EML1: variants seen among roughly 807,000 people sequenced by gnomAD.
EML1 encodes echinoderm microtubule-associated protein-like 1.
In EML1, 27 loss-of-function variants were observed where a neutral mutation model predicts 110.4. That is an observed-to-expected ratio of 0.24 (90% CI 0.18 to 0.34). The LOEUF (loss-of-function observed/expected upper bound fraction) is 0.34. Ranked by LOEUF, EML1 falls within the 10% of genes least tolerant of loss-of-function variation. EML1 has a pLI of 1.00. For synonymous variants in EML1, 344 were observed against 385.8 expected (o/e 0.89, Z 1.27); for missense variants, 741 against 1,030.9 (o/e 0.72, Z 3.85).
chr14:99,768,455 G>A (rs1350671871), upstream of EML1, among the ~76,000 whole-genome samples: 7 of 152,096 alleles, frequency 4.6e-5, no homozygotes, highest in African/African-American at 7.2e-5. Flanking sequence ...AAAGGAACTC[G>A]GGCACAGGCG....
At chr14:99,822,807 C>T (rs2058286337) in intron 1 of EML1, among the ~76,000 whole-genome samples, 1 of 152,180 alleles carries the variant, frequency 6.6e-6, no homozygotes, top group Middle Eastern at 3.2e-3. Context: ...GGGGCTTTGC[C>T]AGCCAAAGCC....
intron 1 of EML1, among the ~76,000 whole-genome samples, chr14:99,838,047 C>T (rs527950117): frequency 6.6e-5 from 10 of 152,154 alleles, no homozygotes; most frequent in African/African-American, 2.2e-4. Context: ...CCACTCCCCC[C>T]ACCTCAACCT....
At chr14:99,836,141 T>G (rs7152873) in intron 1 of EML1, among the ~76,000 whole-genome samples, 49,986 of 152,132 alleles carry the variant, frequency 0.33, 8,954 homozygotes, top group African/African-American at 0.46. Flanking sequence ...ATCATAACAG[T>G]AATGAGTTTT....
chr14:99,745,118 G>A (rs547993463), intron 1 of EML1, among the ~76,000 whole-genome samples: 84 of 152,048 alleles, frequency 5.5e-4, no homozygotes, highest in Non-Finnish European at 8.7e-4. Context: ...CCAGGCTTGA[G>A]TGCAGTGGCA....
chr14:99,756,187 C>T (rs1445727245), intron 1 of EML1, among the ~76,000 whole-genome samples: 2 of 152,190 alleles, frequency 1.3e-5, no homozygotes. Context: ...AGAAGGACCC[C>T]AGGAGGCGAC....
At chr14:99,931,185 G>A (rs1160771183) in intron 17 of EML1, among the ~76,000 whole-genome samples, 1 of 152,156 alleles carries the variant, frequency 6.6e-6, no homozygotes, top group East Asian at 1.9e-4. Flanking sequence ...AGTGTGCCAG[G>A]AGAGAGGCTA....
At chr14:99,854,579 TTCCTCAG>T (rs2058869868) in intron 2 of EML1, among the ~76,000 whole-genome samples, 1 of 152,206 alleles carries the variant, frequency 6.6e-6, no homozygotes. Context: ...GTCTTAGGAT[TTCCTCAG>T]TCTCTGTGAG....
At chr14:99,901,124 A>G in intron 9 of EML1, 85 bp downstream of exon 9, 1 of 1,110,160 alleles carries the variant, frequency 9.0e-7, no homozygotes, top group Non-Finnish European at 1.4e-6. Flanking sequence ...GAGTTGACAC[A>G]CTCGATACCT....
intron 1 of EML1, among the ~76,000 whole-genome samples, chr14:99,762,031 A>G (rs970616621): frequency 3.3e-5 from 5 of 152,086 alleles, no homozygotes; most frequent in African/African-American, 1.2e-4. Flanking sequence ...TTGGAAACCA[A>G]TGACAATTAG....
intron 1 of EML1, among the ~76,000 whole-genome samples, chr14:99,787,128 C>T (rs940306020): frequency 2.5e-4 from 38 of 152,050 alleles, no homozygotes; most frequent in Non-Finnish European, 1.2e-4. Context: ...GTTGAATGTT[C>T]CCTTATGGTT....
At chr14:99,866,160 G>A (rs2139886472) in intron 3 of EML1, among the ~76,000 whole-genome samples, 1 of 152,254 alleles carries the variant, frequency 6.6e-6, no homozygotes, top group South Asian at 2.1e-4. Context: ...TTATATTTTA[G>A]GGCCAGGTGC....
At chr14:99,767,787 G>A (rs987149255) in intron 1 of EML1, among the ~76,000 whole-genome samples, 1 of 152,052 alleles carries the variant, frequency 6.6e-6, no homozygotes, top group African/African-American at 2.4e-5. Context: ...CATTACTGTT[G>A]GCTGCTTTCC....
At chr14:99,820,587 C>T (rs142232653) in intron 1 of EML1, among the ~76,000 whole-genome samples, 56 of 152,320 alleles carry the variant, frequency 3.7e-4, no homozygotes, top group African/African-American at 1.2e-3. Flanking sequence ...ACCAAAGATA[C>T]AGAGTAATTA....
intron 1 of EML1, among the ~76,000 whole-genome samples, chr14:99,824,763 C>A (rs2058324235): frequency 6.6e-6 from 1 of 151,166 alleles, no homozygotes; most frequent in African/African-American, 2.4e-5. Flanking sequence ...GATTTTCAAT[C>A]CTCCCCCCTC....
chr14:99,911,369 G>A, intron 12 of EML1, 53 bp from the exon 13 acceptor site: 5 of 1,534,308 alleles, frequency 3.3e-6, no homozygotes, highest in Non-Finnish European at 4.4e-6. Context: ...TAGAAAATGG[G>A]CAGAGGCAAC....
intron 1 of EML1, among the ~76,000 whole-genome samples, chr14:99,763,676 A>G (rs759284799): frequency 1.3e-5 from 2 of 152,146 alleles, no homozygotes; most frequent in Non-Finnish European, 2.9e-5. Context: ...CATCACTGCA[A>G]TGACCTCTCT....
upstream of EML1, among the ~76,000 whole-genome samples, chr14:99,771,073 C>T (rs1035822382): frequency 2.1e-4 from 32 of 152,082 alleles, no homozygotes; most frequent in Non-Finnish European, 4.0e-4. Context: ...CGTGAGCCAC[C>T]GCGCCCGGCC....
At chr14:99,868,938 A>T (rs2139897370) in intron 3 of EML1, among the ~76,000 whole-genome samples, 1 of 152,234 alleles carries the variant, frequency 6.6e-6, no homozygotes, top group East Asian at 1.9e-4. Flanking sequence ...GAAAACTTTG[A>T]TCACTATAGA....
intron 1 of EML1, among the ~76,000 whole-genome samples, chr14:99,804,767 T>C (rs1187869054): frequency 6.6e-6 from 1 of 152,194 alleles, no homozygotes; most frequent in East Asian, 1.9e-4. Context: ...TTCCTTGTCT[T>C]CACCTGTTTT....
Sources: gnomAD v4.1 joint callset for allele counts (sites outside exome capture counted in the v4.1 genomes callset) on GRCh38, gnomAD v4.1.1 for gene constraint, MANE v1.5 for transcripts, NCBI Gene and HGNC (gene_info 2026-07-23, HGNC 2026-07-21) for gene names.